STAM: variants seen among roughly 807,000 people sequenced by gnomAD.
The protein encoded by STAM is signal transducing adaptor molecule, also known as signal transducing adapter molecule 1.
Under a neutral mutation model 63.4 loss-of-function variants are expected in STAM, and 16 were observed. The ratio of observed to expected loss-of-function variants is 0.25; its 90% CI spans 0.17 to 0.38. The LOEUF (loss-of-function observed/expected upper bound fraction) is 0.38. Among genes scored for constraint, STAM ranks in the 10% least tolerant of loss-of-function variants. STAM has a pLI of 1.00. For missense variants in STAM, 636 were observed against 657.1 expected, an observed-to-expected ratio of 0.97 and a Z score of 0.35; for synonymous variants, 238 against 223.9, an observed-to-expected ratio of 1.06 and a Z score of -0.56.
intron 1 of STAM, among the ~76,000 whole-genome samples, chr10:17,657,841 T>A (rs1028024472): frequency 3.4e-5 from 5 of 148,166 alleles, no homozygotes; most frequent in Admixed American, 6.8e-5. Context: ...AATTGGTGTT[T>A]TCTCTCTCTT....
At chr10:17,701,289 T>C (rs1835983705) in intron 9 of STAM, among the ~76,000 whole-genome samples, 1 of 152,194 alleles carries the variant, frequency 6.6e-6, no homozygotes, top group Non-Finnish European at 1.5e-5. Context: ...AAAGTATGTT[T>C]GTGGTTGTCT....
chr10:17,680,719 A>G (rs1299570940), intron 2 of STAM, among the ~76,000 whole-genome samples: 1 of 151,330 alleles, frequency 6.6e-6, no homozygotes, highest in African/African-American at 2.4e-5. Context: ...GATTTTGACT[A>G]CTCTTAGTAC....
intron 5 of STAM, among the ~76,000 whole-genome samples, chr10:17,690,806 C>T (rs1589083978): frequency 6.6e-6 from 1 of 152,272 alleles, no homozygotes; most frequent in East Asian, 1.9e-4. Flanking sequence ...TTAGCACTAA[C>T]TTTTGATGTA....
chr10:17,666,941 A>G (rs1276845915), intron 2 of STAM, among the ~76,000 whole-genome samples: 5 of 152,130 alleles, frequency 3.3e-5, no homozygotes. Flanking sequence ...TTTAAGAATA[A>G]TCGTCACTTA....
At chr10:17,662,421 A>G (rs1554822996) in intron 2 of STAM, among the ~76,000 whole-genome samples, 1 of 152,154 alleles carries the variant, frequency 6.6e-6, no homozygotes, top group African/African-American at 2.4e-5. Context: ...CCCTTTACTG[A>G]CAATGGTATG....
Position 17,714,908 on chromosome 10 carries a change from ATTCAAGAAGG to A in STAM, c.*130_*139del. 2.2e-6 allele frequency: 2 copies of A among 919,944 alleles called. No homozygotes were observed. The highest frequency in any genetic ancestry group is 3.4e-6 in the Non-Finnish European group (2 of 588,946). 57.0% of individuals were successfully genotyped at this position (919,944 alleles called of 1,614,324 possible). On this transcript the variant is annotated 3_prime_UTR_variant, in exon 14 of 14. Transcript: ENST00000377524. ...TCTCTCCAGGTCAACAGGTTCAAATATTCAAGAAGGTAGAACTCTCCTCAATTTACACTGA... is the reference window on the plus strand; with the variant it reads ...TCTCTCCAGGTCAACAGGTTCAAATATAGAACTCTCCTCAATTTACACTGA...
At chr10:17,651,403 A>G (rs570215705) in intron 1 of STAM, among the ~76,000 whole-genome samples, 6 of 152,366 alleles carry the variant, frequency 3.9e-5, no homozygotes, top group Admixed American at 2.0e-4. Context: ...CAAGTTAGAA[A>G]TAGATGTGGG....
intron 2 of STAM, among the ~76,000 whole-genome samples, chr10:17,666,359 T>G (rs902843067): frequency 2.0e-5 from 3 of 151,908 alleles, no homozygotes; most frequent in East Asian, 1.9e-4. Flanking sequence ...GGAAGGAGTT[T>G]GTTAAAAATG....
intron 1 of STAM, among the ~76,000 whole-genome samples, chr10:17,648,396 CAAAT>C (rs1174675687): frequency 1.3e-5 from 2 of 152,130 alleles, no homozygotes; most frequent in African/African-American, 4.8e-5. Context: ...TGGGCGGGGA[CAAAT>C]AAGAGAATAA....
intron 8 of STAM, among the ~76,000 whole-genome samples, chr10:17,697,887 A>G (rs1835831221): frequency 6.6e-6 from 1 of 152,204 alleles, no homozygotes; most frequent in African/African-American, 2.4e-5. Context: ...AAAGAAAATT[A>G]CAAACCACAA....
chr10:17,698,476 T>C (rs1390166990), intron 8 of STAM, among the ~76,000 whole-genome samples: 2 of 151,956 alleles, frequency 1.3e-5, no homozygotes, highest in African/African-American at 2.4e-5. Context: ...TTTTCTAGTT[T>C]TTCTCATGTT....
chr10:17,655,915 A>AT (rs1554822079), intron 1 of STAM, among the ~76,000 whole-genome samples: 1 of 151,716 alleles, frequency 6.6e-6, no homozygotes, highest in Admixed American at 6.6e-5. Flanking sequence ...AAATATAATG[A>AT]TTTTTTTAAA....
intron 6 of STAM, 140 bp downstream of exon 6, chr10:17,693,452 C>A: frequency 1.6e-6 from 1 of 622,342 alleles, no homozygotes; most frequent in Non-Finnish European, 2.6e-6. Context: ...CTTTGCTTTA[C>A]TCTTGAGAGG....
At chr10:17,686,629 G>A (rs559148008) in intron 4 of STAM, among the ~76,000 whole-genome samples, 200 of 152,080 alleles carry the variant, frequency 1.3e-3, no homozygotes, top group African/African-American at 4.6e-3. Context: ...TGCCCACCTC[G>A]GCCTTCCAAA....
chr10:17,661,829 T>G (rs782499709), intron 2 of STAM, among the ~76,000 whole-genome samples: 10 of 152,170 alleles, frequency 6.6e-5, no homozygotes, highest in African/African-American at 1.4e-4. Flanking sequence ...CTGTATACCC[T>G]CCACTCTAGC....
chr10:17,712,513 T>A (rs954800683), intron 13 of STAM, among the ~76,000 whole-genome samples: 14 of 152,192 alleles, frequency 9.2e-5, no homozygotes, highest in African/African-American at 3.4e-4. Flanking sequence ...CATCAAATAA[T>A]GAATTTGTGC....
Position 17,695,235 on chromosome 10 carries a change from A to T in STAM, c.722A>T (p.Asp241Val). ...GCTGGAGAAATTATTACAGTTCTTG[A>T]TGACAGGTAATGTTAATATTACATT... ...FKAGEIITVL[D>V]DSDPNWWKGE... Residue 241 changes from aspartate to valine, a missense_variant, in exon 7 of 14, where the codon GAT becomes GTT. Transcript: ENST00000377524. 1 of 1,612,926 alleles carries T rather than the reference A, an allele frequency of 6.2e-7. No individual in the cohort carries two copies. Among genetic ancestry groups the T allele is most frequent in the Non-Finnish European group, 8.5e-7 (1 of 1,179,360 alleles).
At chr10:17,683,466 T>G (rs1197423142) in intron 2 of STAM, among the ~76,000 whole-genome samples, 1 of 152,160 alleles carries the variant, frequency 6.6e-6, no homozygotes, top group African/African-American at 2.4e-5. Flanking sequence ...CCAAGCTATT[T>G]TATTTTCATT....
intron 2 of STAM, among the ~76,000 whole-genome samples, chr10:17,669,884 C>CA (rs1834560055): frequency 1.7e-5 from 2 of 120,768 alleles, no homozygotes; most frequent in African/African-American, 6.3e-5. Flanking sequence ...CTTTTCTTTT[C>CA]TTTTTTTTTT....
Sources: allele counts gnomAD v4.1 joint callset (sites outside exome capture counted in the v4.1 genomes callset), GRCh38; gene constraint gnomAD v4.1.1; transcripts MANE v1.5; gene names NCBI Gene and HGNC (gene_info 2026-07-23, HGNC 2026-07-21).